DRC7: variants seen among roughly 807,000 people sequenced by gnomAD.
The protein encoded by DRC7 is coiled-coil domain containing 135.
DRC7 carries 80 observed loss-of-function variants against 104.4 expected under a neutral mutation model. The ratio of observed to expected loss-of-function variants is 0.77; its 90% CI spans 0.64 to 0.92. DRC7 has a LOEUF of 0.92. DRC7 is among the 40% of genes least tolerant of loss of function. DRC7 has a pLI of 0.00. For missense variants in DRC7, 1,034 were observed against 1,141.1 expected (o/e 0.91, Z 1.35); for synonymous variants, 405 against 447.3 (o/e 0.91, Z 1.19).
Position 57,698,085 on chromosome 16 carries a change from C to T in DRC7, c.136C>T (p.Gln46Ter), listed in dbSNP as rs866969469. ...GCGGAAGGAGGAAATCACCTTAAAG[C>T]AGGAGACGCTCAGAGACCTGGAGAA... ...EVRKEEITLK[Q>*]ETLRDLEKKL... Residue 46 changes from glutamine to a stop codon, truncating the protein, a stop_gained, in exon 3 of 19, where the codon CAG (glutamine) becomes TAG (stop). Coordinates refer to ENST00000360716, the MANE Select transcript of DRC7 (RefSeq NM_001289162.2). LOFTEE classifies it high-confidence loss of function. 1 of 1,614,028 alleles carries T rather than the reference C, an allele frequency of 6.2e-7. No homozygotes were observed. The highest frequency in any genetic ancestry group is 8.5e-7 in the Non-Finnish European group (1 of 1,180,036).
At chr16:57,714,251 A>G (rs8054495) in intron 8 of DRC7, 9,465 of 154,230 alleles carry the variant, frequency 0.061, 577 homozygotes, top group East Asian at 0.24. Context: ...AGGATTTCTC[A>G]TGTGTCTTAT....
intron 5 of DRC7, 39 bp downstream of exon 5, chr16:57,700,309 G>A (rs533342975): frequency 6.3e-7 from 1 of 1,582,674 alleles, no homozygotes; most frequent in South Asian, 1.1e-5. Flanking sequence ...GAGCCCACCA[G>A]GACTAAGATG....
intron 7 of DRC7, 102 bp downstream of exon 7, chr16:57,705,136 C>A (rs2048698719): frequency 7.7e-7 from 1 of 1,290,444 alleles, no homozygotes; most frequent in South Asian, 1.5e-5. Context: ...TGTATGGACC[C>A]CCCAACTAGG....
At chr16:57,699,309 T>C (rs1351080608) in intron 4 of DRC7, among the ~76,000 whole-genome samples, 2 of 152,204 alleles carry the variant, frequency 1.3e-5, no homozygotes, top group African/African-American at 4.8e-5. Context: ...GGTTACCTGA[T>C]CAAGAGGAGA....
In DRC7 at chr16:57,707,601, C is replaced by A; in HGVS notation, c.1000C>A (p.His334Asn). Reference sequence around the variant, plus strand: ...ACATAGCTACAGCACCCAGGATGAGCACTTCCTGGGCATCGAAAGCCTGTG... The same window carrying A: ...ACATAGCTACAGCACCCAGGATGAGAACTTCCTGGGCATCGAAAGCCTGTG... ...TGHSYSTQDE[H>N]FLGIESLWNH... The change falls in exon 8 of 19, where the codon CAC (histidine) becomes AAC (asparagine). Residue 334 changes from histidine to asparagine, a missense_variant. Coordinates refer to ENST00000360716, the MANE Select transcript of DRC7 (RefSeq NM_001289162.2). 1 of 1,613,594 alleles carries A rather than the reference C, an allele frequency of 6.2e-7. No homozygotes were observed. The highest frequency in any genetic ancestry group is 8.5e-7 in the Non-Finnish European group (1 of 1,180,018).
chr16:57,718,506 A>G, intron 9 of DRC7, 31 bp downstream of exon 9: 1 of 1,610,696 alleles, frequency 6.2e-7, no homozygotes. Context: ...AGCCCAGGGA[A>G]TGTGTGTGAA....
At chr16:57,697,576 T>TA (rs1272512945) in intron 2 of DRC7, among the ~76,000 whole-genome samples, 2 of 151,448 alleles carry the variant, frequency 1.3e-5, no homozygotes, top group Admixed American at 1.3e-4. Context: ...CTCAAAAAAA[T>TA]AAAAAATTTA....
chr16:57,723,233 T>C lies in DRC7; in HGVS notation c.1537+103T>C, dbSNP rs1485424169. On this transcript the variant is annotated intron_variant, in intron 12 of 18. Transcript: ENST00000360716. ...GTGGCAGGAACCAGCATACATATTA[T>C]ACATGGGTTCTTGGGCAGCAAGCAG... 98 of 1,374,108 alleles carry C rather than the reference T, an allele frequency of 7.1e-5. 1 individual carries two copies. In the East Asian group the frequency reaches 2.3e-3, roughly 32 times the overall value. 85.1% of individuals were successfully genotyped at this position (1,374,108 alleles called of 1,614,324 possible).
chr16:57,705,407 G>A (rs867717725), intron 7 of DRC7, among the ~76,000 whole-genome samples: 4 of 95,248 alleles, frequency 4.2e-5, no homozygotes, highest in East Asian at 3.7e-4. Flanking sequence ...CCTCCCATTC[G>A]CCAATCCATC....
At chr16:57,723,481 C>T (rs2048928883) in intron 12 of DRC7, among the ~76,000 whole-genome samples, 1 of 152,156 alleles carries the variant, frequency 6.6e-6, no homozygotes, top group Non-Finnish European at 1.5e-5. Flanking sequence ...ACCTGTAATC[C>T]AAGCGCTTTG....
At chr16:57,717,812 A>T (rs1192077952) in intron 8 of DRC7, among the ~76,000 whole-genome samples, 2 of 152,134 alleles carry the variant, frequency 1.3e-5, no homozygotes, top group African/African-American at 4.8e-5. Context: ...AAGTGCTGGA[A>T]CTACAGGCAT....
chr16:57,724,515 T>G (rs2048940893), intron 12 of DRC7, 100 bp from the exon 13 acceptor site: 5 of 742,368 alleles, frequency 6.7e-6, no homozygotes, highest in Non-Finnish European at 1.1e-5. Flanking sequence ...ATAATGTGGG[T>G]CTGTCTTCTC....
chr16:57,724,891 C>T (rs2048946551), intron 13 of DRC7, 56 bp downstream of exon 13: 1 of 1,402,286 alleles, frequency 7.1e-7, no homozygotes, highest in Non-Finnish European at 9.9e-7. Flanking sequence ...CAGCTGATGT[C>T]ACCTCTGAAT....
At position 57,718,332 on chromosome 16, in the gene DRC7, C is replaced by T. The variant is rs772014706; in HGVS notation, c.1078-15C>T. The T allele has an allele frequency of 9.3e-6, 15 of 1,612,900 alleles. No homozygotes were observed. Among genetic ancestry groups the T allele is most frequent in the South Asian group, 6.6e-5 (6 of 90,962 alleles). On this transcript the variant is annotated splice_polypyrimidine_tract_variant and intron_variant, in intron 8 of 18. Coordinates refer to ENST00000360716, the MANE Select transcript of DRC7 (RefSeq NM_001289162.2). ...CTGTGGGGTACACTCAGTTGACTGC[C>T]CTCATCCCCAACAGGACTTGATCTT...
intron 10 of DRC7, 92 bp from the exon 11 acceptor site, chr16:57,722,621 G>T: frequency 6.5e-7 from 1 of 1,543,582 alleles, no homozygotes. Flanking sequence ...AGTACACAGA[G>T]AACGGGCAGT....
At chr16:57,725,831 A>C (rs779508722) in intron 13 of DRC7, 7 of 528,142 alleles carry the variant, frequency 1.3e-5, no homozygotes, top group Non-Finnish European at 2.0e-5. Flanking sequence ...TGAGGTAGGC[A>C]AGCAGAGTCT....
chr16:57,727,455 C>T, intron 16 of DRC7, 46 bp downstream of exon 16: 2 of 1,443,264 alleles, frequency 1.4e-6, no homozygotes, highest in Non-Finnish European at 1.9e-6. Flanking sequence ...CCTAGACCCC[C>T]CTGGTCTCCA....
In DRC7 at chr16:57,705,781, T is replaced by TCCTCCCATCCATCCAC. The variant is rs1567875199; in HGVS notation, c.858+762_858+763insCCCTCCCATCCATCCA. Reference sequence around the variant, plus strand: ...TCCCATCCATCCTCCCATCCATCCATCCTCCCATCCATCCATCCTCCCATT... The same window carrying TCCTCCCATCCATCCAC: ...TCCCATCCATCCTCCCATCCATCCATCCTCCCATCCATCCACCCTCCCATCCATCCATCCTCCCATT... On this transcript the variant is annotated intron_variant, in intron 7 of 18. Coordinates refer to ENST00000360716, the MANE Select transcript of DRC7 (RefSeq NM_001289162.2). Among the ~76,000 whole-genome samples the TCCTCCCATCCATCCAC allele has an allele frequency of 7.8e-4, 95 of 121,952 alleles. 4 individuals are homozygous for TCCTCCCATCCATCCAC. In the South Asian group the frequency reaches 0.015, roughly 19 times the overall value. The allele number at this position is 121,952 out of a possible 152,430, so 80.0% of individuals were successfully genotyped here.
chr16:57,726,392 C>T (rs892591460), intron 14 of DRC7, 109 bp downstream of exon 14: 7 of 903,114 alleles, frequency 7.8e-6, no homozygotes, highest in Admixed American at 4.8e-5. Flanking sequence ...TGAATCCCGG[C>T]GAGGAAATTC....
Sources: gnomAD v4.1 joint callset for allele counts (sites outside exome capture counted in the v4.1 genomes callset) on GRCh38, gnomAD v4.1.1 for gene constraint, MANE v1.5 for transcripts, NCBI Gene and HGNC (gene_info 2026-07-23, HGNC 2026-07-21) for gene names.